Variants in WDPCP observed in about 807,000 individuals in gnomAD.
WDPCP encodes the protein WD repeat-containing and planar cell polarity effector protein fritz homolog.
In WDPCP, 71 loss-of-function variants were observed where a neutral mutation model predicts 93.1. The observed-to-expected ratio is 0.76, with a 90% CI of 0.63 to 0.93. The LOEUF (loss-of-function observed/expected upper bound fraction) is 0.93, where lower values mean the gene tolerates loss of function less well. Ranked by LOEUF, WDPCP falls within the 40% of genes least tolerant of loss-of-function variation. WDPCP has a pLI of 0.00. For missense variants in WDPCP, 844 were observed against 887.4 expected (o/e 0.95, Z 0.62); for synonymous variants, 315 against 315.0 (o/e 1.00, Z 0.00).
At chr2:63,778,201 CTTGTTTT>C (rs962921820) in intron 2 of WDPCP, among the ~76,000 whole-genome samples, 1 of 136,976 alleles carries the variant, frequency 7.3e-6, no homozygotes, top group African/African-American at 3.2e-5. Flanking sequence ...CCCTTGTCCA[CTTGTTTT>C]TTGTTTTTTG....
At chr2:63,745,622 T>C (rs75730633) in intron 2 of WDPCP, among the ~76,000 whole-genome samples, 18 of 144,696 alleles carry the variant, frequency 1.2e-4, no homozygotes, top group African/African-American at 3.8e-4. Context: ...ATGATTAAAA[T>C]CATATGCGCA....
intron 2 of WDPCP, among the ~76,000 whole-genome samples, chr2:63,804,770 C>A (rs781356081): frequency 2.8e-4 from 42 of 151,752 alleles, no homozygotes; most frequent in Non-Finnish European, 1.5e-4. Context: ...TGGCTCACGC[C>A]TCTAATACCA....
At chr2:63,346,337 A>C (rs916067086) in intron 12 of WDPCP, among the ~76,000 whole-genome samples, 6 of 151,948 alleles carry the variant, frequency 3.9e-5, no homozygotes, top group Admixed American at 3.9e-4. Flanking sequence ...CTCCCATTTC[A>C]CCTCCCCTCA....
At chr2:63,134,985 T>C (rs1464628187) in intron 17 of WDPCP, among the ~76,000 whole-genome samples, 2 of 151,978 alleles carry the variant, frequency 1.3e-5, no homozygotes, top group Non-Finnish European at 2.9e-5. Context: ...TAGCCAGGTG[T>C]GGTGGCACGG....
chr2:63,613,195 A>G (rs931358316), intron 3 of WDPCP, among the ~76,000 whole-genome samples: 1 of 152,102 alleles, frequency 6.6e-6, no homozygotes, highest in African/African-American at 2.4e-5. Context: ...TTAAGGGGGG[A>G]AAATCCCAAG....
intron 11 of WDPCP, 89 bp from the exon 12 acceptor site, chr2:63,378,598 G>T: frequency 4.5e-6 from 7 of 1,566,918 alleles, no homozygotes; most frequent in Non-Finnish European, 5.3e-6. Context: ...GTCAGGTTTT[G>T]CAGACTTGGA....
chr2:63,796,586 G>A (rs1007833371), intron 2 of WDPCP, among the ~76,000 whole-genome samples: 3 of 152,218 alleles, frequency 2.0e-5, no homozygotes, highest in Non-Finnish European at 4.4e-5. Flanking sequence ...GTGAAACATT[G>A]CAATGGAACT....
intron 10 of WDPCP, among the ~76,000 whole-genome samples, chr2:63,397,550 T>G (rs2105101478): frequency 6.6e-6 from 1 of 152,238 alleles, no homozygotes; most frequent in East Asian, 1.9e-4. Flanking sequence ...AATGGAAGCC[T>G]GGATGGCCCC....
chr2:63,590,288 G>T (rs6546018), upstream of WDPCP: 122,221 of 152,170 alleles, frequency 0.8, 49,746 homozygotes, highest in East Asian at 0.98. Context: ...ATCTTAAAAT[G>T]GAGTTTATCG....
intron 10 of WDPCP, among the ~76,000 whole-genome samples, chr2:63,400,550 T>C (rs184852159): frequency 1.3e-5 from 2 of 152,106 alleles, no homozygotes; most frequent in African/African-American, 4.8e-5. Flanking sequence ...ACAAACCCGT[T>C]AAAAAGTAGG....
chr2:63,396,151 C>A (rs777679219), intron 10 of WDPCP, among the ~76,000 whole-genome samples: 2 of 152,134 alleles, frequency 1.3e-5, no homozygotes, highest in African/African-American at 2.4e-5. Flanking sequence ...AATAAAAGTT[C>A]ATTTTAAATG....
chr2:63,624,767 A>G (rs1254839048), intron 3 of WDPCP, among the ~76,000 whole-genome samples: 11 of 152,252 alleles, frequency 7.2e-5, no homozygotes, highest in Admixed American at 6.5e-4. Flanking sequence ...AGGAGCTGGT[A>G]CCATTCCTTC....
intron 2 of WDPCP, among the ~76,000 whole-genome samples, chr2:63,699,666 G>T (rs1361675601): frequency 6.6e-6 from 1 of 152,182 alleles, no homozygotes; most frequent in Non-Finnish European, 1.5e-5. Flanking sequence ...ATGAGTCATG[G>T]CATAACAAAG....
intron 14 of WDPCP, among the ~76,000 whole-genome samples, chr2:63,254,025 A>G (rs1680943210): frequency 1.3e-5 from 2 of 152,200 alleles, no homozygotes; most frequent in African/African-American, 2.4e-5. Context: ...TGTAGTATAT[A>G]TACACCATGG....
chr2:63,230,248 C>A (rs1229716687), intron 14 of WDPCP, among the ~76,000 whole-genome samples: 2 of 152,086 alleles, frequency 1.3e-5, no homozygotes, highest in African/African-American at 4.8e-5. Flanking sequence ...ATCCATGTCC[C>A]TACAATGGAC....
At chr2:63,231,849 A>T (rs933432110) in intron 14 of WDPCP, among the ~76,000 whole-genome samples, 1 of 152,080 alleles carries the variant, frequency 6.6e-6, no homozygotes. Context: ...TCATATGGAG[A>T]CAAAAAAGAG....
In WDPCP at chr2:63,637,527, A is replaced by G. The variant is rs565491616; in HGVS notation, n.488+13132T>C. Among the ~76,000 whole-genome samples, 7 of 152,232 alleles carry G rather than the reference A, an allele frequency of 4.6e-5. No individual in the cohort carries two copies. The South Asian group carries it at 1.5e-3, about 32-fold the overall frequency. ...TATCTGATATAAGGGACTAACAACTAAAATGTATAAGGAACTCATACAGCT... is the reference window on the plus strand; with the variant it reads ...TATCTGATATAAGGGACTAACAACTGAAATGTATAAGGAACTCATACAGCT... On this transcript the variant is annotated intron_variant and non_coding_transcript_variant, in intron 3 of 4. Coordinates refer to the WDPCP transcript ENST00000467687.
At position 63,549,121 on chromosome 2, in the gene WDPCP, C is replaced by G. The variant is rs192601669; in HGVS notation, c.75+39076G>C. 1.8e-3 allele frequency among the ~76,000 whole-genome samples: 280 copies of G among 151,680 alleles called. 2 individuals carry two copies. Among genetic ancestry groups the G allele is most frequent in the Admixed American group, 3.9e-3 (60 of 15,214 alleles). ...AAAATCAGCTGGGCATGGTGGCTGA[C>G]GCCTGTAATCCCAGCTACTCAGGAG... On this transcript the variant is annotated intron_variant, in intron 1 of 17. Coordinates refer to ENST00000272321, the MANE Select transcript of WDPCP (RefSeq NM_015910.7).
chr2:63,483,209 C>T (rs1700371447), intron 6 of WDPCP, among the ~76,000 whole-genome samples: 1 of 151,878 alleles, frequency 6.6e-6, no homozygotes, highest in Non-Finnish European at 1.5e-5. Flanking sequence ...CAGGCTGGCC[C>T]TCTGGTCAAA....
Sources: allele counts gnomAD v4.1 joint callset (sites outside exome capture counted in the v4.1 genomes callset), GRCh38; gene constraint gnomAD v4.1.1; transcripts MANE v1.5; gene names NCBI Gene and HGNC (gene_info 2026-07-23, HGNC 2026-07-21).